Variants in SGPP2 observed in about 807,000 individuals in gnomAD.
The protein encoded by SGPP2 is sphingosine-1-phosphate phosphatase 2, also known as sphingosine 1-phosphate phosphohydrolase 2.
A neutral mutation model predicts 33.9 loss-of-function variants in SGPP2; 30 were observed. That is an observed-to-expected ratio of 0.89 (90% CI 0.66 to 1.20). The LOEUF is 1.20. SGPP2 is among the 50% of genes most tolerant of loss of function. The pLI is 0.00. For missense variants in SGPP2, 458 were observed against 532.1 expected, an observed-to-expected ratio of 0.86 and a Z score of 1.37; for synonymous variants, 233 against 225.0, an observed-to-expected ratio of 1.04 and a Z score of -0.32.
At chr2:222,450,198 C>A (rs907191278) in intron 1 of SGPP2, among the ~76,000 whole-genome samples, 19 of 152,180 alleles carry the variant, frequency 1.2e-4, no homozygotes, top group Non-Finnish European at 1.3e-4. Flanking sequence ...CAGCACCCCA[C>A]GTTATTTACT....
chr2:222,539,673 A>T (rs549188220), intron 4 of SGPP2, among the ~76,000 whole-genome samples: 28 of 152,372 alleles, frequency 1.8e-4, no homozygotes, highest in Admixed American at 8.5e-4. Context: ...GCTTTGCCAG[A>T]TCACAGAAAC....
Position 222,467,950 on chromosome 2 carries a change from GAAAAAAAAAAAAAAAAAAAAA to G in SGPP2, c.220-6600_220-6580del, listed in dbSNP as rs61253653. Among the ~76,000 whole-genome samples, 223 of 24,872 alleles carry G rather than the reference GAAAAAAAAAAAAAAAAAAAAA, an allele frequency of 9.0e-3. 2 individuals are homozygous for G. The highest frequency in any genetic ancestry group is 0.012 in the African/African-American group (196 of 16,322). The allele number at this position is 24,872 out of a possible 152,430, so 16.3% of individuals were successfully genotyped here. A position where few individuals can be genotyped will look rare whatever the true frequency, so the allele number is the denominator to read the frequency against. ...AAATGTATATTTAAAGCTCTAATCT[GAAAAAAAAAAAAAAAAAAAAA>G]AAAAAAAAAAAAAAAAACAGAGGAA... On this transcript the variant is annotated intron_variant, in intron 1 of 4. Coordinates refer to ENST00000321276, the MANE Select transcript of SGPP2 (RefSeq NM_152386.4).
intron 4 of SGPP2, among the ~76,000 whole-genome samples, chr2:222,542,673 A>C (rs2106149904): frequency 6.6e-6 from 1 of 152,094 alleles, no homozygotes; most frequent in South Asian, 2.1e-4. Context: ...TTGTATGTTC[A>C]TTGGCCATTT....
intron 1 of SGPP2, among the ~76,000 whole-genome samples, chr2:222,445,850 T>A (rs4375856): frequency 6.6e-6 from 1 of 152,326 alleles, no homozygotes; most frequent in African/African-American, 2.4e-5. Context: ...ATCTGGGTAC[T>A]ATCCCAGGAG....
chr2:222,507,393 A>G (rs1698460879), intron 2 of SGPP2, among the ~76,000 whole-genome samples: 1 of 152,192 alleles, frequency 6.6e-6, no homozygotes. Context: ...AGAGACAGGA[A>G]TCGTTCATGG....
chr2:222,460,144 C>T lies in SGPP2; in HGVS notation c.220-14424C>T, dbSNP rs898597409. ...TTGCACAGCCTGTGGCATTCAGTTGCCATCCACAGAAGAAGGACTCACTTT... is the reference window on the plus strand; with the variant it reads ...TTGCACAGCCTGTGGCATTCAGTTGTCATCCACAGAAGAAGGACTCACTTT... On this transcript the variant is annotated intron_variant, in intron 1 of 4. Transcript: ENST00000321276. This position sits in a 1 kb window ranked among gnomAD's most constrained non-coding sequence, Gnocchi z 4.3. 1.3e-5 allele frequency among the ~76,000 whole-genome samples: 2 copies of T among 152,094 alleles called. No individual in the cohort carries two copies. The highest frequency in any genetic ancestry group is 1.3e-4 in the Admixed American group (2 of 15,284).
At chr2:222,535,483 G>A (rs1176542366) in intron 4 of SGPP2, among the ~76,000 whole-genome samples, 1 of 152,094 alleles carries the variant, frequency 6.6e-6, no homozygotes, top group Non-Finnish European at 1.5e-5. Context: ...GGAGCTGGAC[G>A]AGCCTTGAGT....
chr2:222,437,172 C>T (rs1697254534), intron 1 of SGPP2, among the ~76,000 whole-genome samples: 1 of 152,254 alleles, frequency 6.6e-6, no homozygotes, highest in Non-Finnish European at 1.5e-5. Flanking sequence ...GTTCCATCCA[C>T]ATACCTCTTC....
chr2:222,446,197 A>G (rs1368176475), intron 1 of SGPP2, among the ~76,000 whole-genome samples: 2 of 152,126 alleles, frequency 1.3e-5, no homozygotes, highest in African/African-American at 4.8e-5. Context: ...AGTACGGTAT[A>G]GGTAGAAATA....
chr2:222,489,763 C>A (rs754888799), intron 2 of SGPP2, among the ~76,000 whole-genome samples: 1 of 152,148 alleles, frequency 6.6e-6, no homozygotes, highest in African/African-American at 2.4e-5. Context: ...GTCAGGAGTT[C>A]AAGACCAGCC....
At position 222,559,076 on chromosome 2, in the gene SGPP2, T is replaced by A. The variant is rs928346553; in HGVS notation, c.*178T>A. 8.1e-6 allele frequency: 5 copies of A among 619,270 alleles called. No homozygotes were observed. Among genetic ancestry groups the A allele is most frequent in the African/African-American group, 1.9e-5 (1 of 53,862 alleles). The allele number at this position is 619,270 out of a possible 1,614,324, so 38.4% of individuals were successfully genotyped here. A position where few individuals can be genotyped will look rare whatever the true frequency, so the allele number is the denominator to read the frequency against. ...GAAAGGAAGAACTGTCTCATAGCGG[T>A]CATTGGTCGTCCGTGGTGGTTGGTT... On this transcript the variant is annotated 3_prime_UTR_variant, in exon 5 of 5. Coordinates refer to ENST00000321276, the MANE Select transcript of SGPP2 (RefSeq NM_152386.4).
intron 3 of SGPP2, among the ~76,000 whole-genome samples, chr2:222,522,239 C>G (rs951927553): frequency 8.5e-5 from 13 of 152,168 alleles, no homozygotes; most frequent in Non-Finnish European, 2.9e-5. Flanking sequence ...GTATTATCAC[C>G]CTGGGCTGCC....
chr2:222,481,230 A>C (rs1329272750), intron 2 of SGPP2, among the ~76,000 whole-genome samples: 1 of 152,214 alleles, frequency 6.6e-6, no homozygotes, highest in Non-Finnish European at 1.5e-5. Flanking sequence ...CTGCACGTGT[A>C]CCCCGACCTT....
intron 2 of SGPP2, among the ~76,000 whole-genome samples, chr2:222,506,550 GCTTA>G (rs1459325467): frequency 6.6e-6 from 1 of 152,070 alleles, no homozygotes; most frequent in Non-Finnish European, 1.5e-5. Context: ...TTTTAGCTTA[GCTTA>G]CTTTATTGCA....
chr2:222,439,417 A>G (rs933722398), intron 1 of SGPP2, among the ~76,000 whole-genome samples: 3 of 152,108 alleles, frequency 2.0e-5, no homozygotes, highest in African/African-American at 7.2e-5. Flanking sequence ...CTGTAACCCC[A>G]GCTACTTGGG....
intron 4 of SGPP2, among the ~76,000 whole-genome samples, chr2:222,537,559 A>T (rs1431826755): frequency 6.6e-6 from 1 of 152,224 alleles, no homozygotes; most frequent in Non-Finnish European, 1.5e-5. Flanking sequence ...GATTGGTTTT[A>T]AAAAAAGAAT....
Position 222,492,241 on chromosome 2 carries a change from T to G in SGPP2, c.378+17515T>G, listed in dbSNP as rs187996275. 3.4e-3 allele frequency among the ~76,000 whole-genome samples: 511 copies of G among 152,296 alleles called. 5 individuals are homozygous for G. The highest frequency in any genetic ancestry group is 0.012 in the African/African-American group (481 of 41,562). Reference sequence around the variant, plus strand: ...GTAAAGGCTCCAACCCCACATTTCCTTTCCCCACTGCCCTAACAGAGGTTC... The same window carrying G: ...GTAAAGGCTCCAACCCCACATTTCCGTTCCCCACTGCCCTAACAGAGGTTC... On this transcript the variant is annotated intron_variant, in intron 2 of 4. Transcript: ENST00000321276.
chr2:222,525,603 A>G (rs1698746695), intron 4 of SGPP2, among the ~76,000 whole-genome samples: 1 of 152,208 alleles, frequency 6.6e-6, no homozygotes, highest in African/African-American at 2.4e-5. Context: ...GGCCGCCATG[A>G]TTGGCACAGT....
intron 2 of SGPP2, among the ~76,000 whole-genome samples, chr2:222,498,849 T>C (rs1241415383): frequency 6.6e-6 from 1 of 152,172 alleles, no homozygotes; most frequent in Non-Finnish European, 1.5e-5. Context: ...TGACTTTACT[T>C]ATAATTTACT....
Sources: gnomAD v4.1 joint callset for allele counts (sites outside exome capture counted in the v4.1 genomes callset) on GRCh38, gnomAD v4.1.1 for gene constraint, Gnocchi (gnomAD v3.1) non-coding constraint, MANE v1.5 for transcripts, NCBI Gene and HGNC (gene_info 2026-07-23, HGNC 2026-07-21) for gene names.